Variants in KCNAB1 observed in about 807,000 individuals in gnomAD.
KCNAB1 encodes potassium voltage-gated channel subfamily A regulatory beta subunit 1, also known as voltage-gated potassium channel subunit beta-1.
Under a neutral mutation model 64.6 loss-of-function variants are expected in KCNAB1, and 35 were observed. That is an observed-to-expected ratio of 0.54 (90% CI 0.41 to 0.72). The LOEUF (loss-of-function observed/expected upper bound fraction) is 0.72, where lower values mean the gene tolerates loss of function less well. KCNAB1 is among the 30% of genes least tolerant of loss of function. The probability of loss-of-function intolerance (pLI) is 0.00; values close to 1 mark genes in which losing one functional copy is unlikely to be tolerated. For missense variants in KCNAB1, 401 were observed against 512.9 expected (o/e 0.78, Z 2.11); for synonymous variants, 177 against 183.8 (o/e 0.96, Z 0.30).
chr3:156,127,104 A>G (rs1273949663), intron 1 of KCNAB1, among the ~76,000 whole-genome samples: 1 of 151,868 alleles, frequency 6.6e-6, no homozygotes, highest in East Asian at 1.9e-4. Flanking sequence ...TTAGACACTC[A>G]ATCAATTTTG....
chr3:156,188,285 A>T (rs980904904), intron 1 of KCNAB1, among the ~76,000 whole-genome samples: 4 of 152,086 alleles, frequency 2.6e-5, no homozygotes, highest in African/African-American at 9.7e-5. Flanking sequence ...AAAAATAAAA[A>T]TGGCCTACAA....
chr3:156,266,740 A>G (rs1274437664), intron 1 of KCNAB1, among the ~76,000 whole-genome samples: 1 of 152,216 alleles, frequency 6.6e-6, no homozygotes, highest in African/African-American at 2.4e-5. Context: ...ATAGAGAATC[A>G]GTTACACAGT....
intron 1 of KCNAB1, among the ~76,000 whole-genome samples, chr3:156,249,580 G>T (rs1248349172): frequency 1.3e-5 from 2 of 148,952 alleles, no homozygotes; most frequent in African/African-American, 4.9e-5. Flanking sequence ...AGAAAAAAAA[G>T]AAAAAAAAAG....
At chr3:156,137,058 C>T (rs910076194) in intron 1 of KCNAB1, among the ~76,000 whole-genome samples, 1 of 151,726 alleles carries the variant, frequency 6.6e-6, no homozygotes, top group Non-Finnish European at 1.5e-5. Context: ...TTTGGGGGTA[C>T]ATGCAAAGAT....
chr3:156,476,358 C>T (rs1714341836), intron 8 of KCNAB1, among the ~76,000 whole-genome samples: 1 of 152,104 alleles, frequency 6.6e-6, no homozygotes, highest in Non-Finnish European at 1.5e-5. Context: ...TTTGTGTCCT[C>T]ATAGCTTAGT....
chr3:156,335,257 C>T (rs971917140), intron 1 of KCNAB1, among the ~76,000 whole-genome samples: 2 of 152,222 alleles, frequency 1.3e-5, no homozygotes, highest in African/African-American at 2.4e-5. Context: ...GCTTATTCCT[C>T]AAGAGCCTAC....
chr3:156,409,062 A>G (rs916210297), intron 1 of KCNAB1, among the ~76,000 whole-genome samples: 6 of 152,210 alleles, frequency 3.9e-5, no homozygotes, highest in South Asian at 2.1e-4. Context: ...AACCAGCCAC[A>G]GTGTAGGAAG....
chr3:156,391,775 A>G (rs1030325414), intron 1 of KCNAB1, among the ~76,000 whole-genome samples: 4 of 152,204 alleles, frequency 2.6e-5, no homozygotes, highest in Non-Finnish European at 5.9e-5. Flanking sequence ...AAGTAGAGCA[A>G]TCCCAACTGT....
At chr3:156,374,297 T>A (rs1376561811) in intron 1 of KCNAB1, among the ~76,000 whole-genome samples, 1 of 152,190 alleles carries the variant, frequency 6.6e-6, no homozygotes, top group Non-Finnish European at 1.5e-5. Context: ...TTTGATCCTG[T>A]GACTCTGTCC....
chr3:156,385,600 C>G (rs1024830717), intron 1 of KCNAB1, among the ~76,000 whole-genome samples: 28 of 151,898 alleles, frequency 1.8e-4, no homozygotes, highest in Admixed American at 5.2e-4. Context: ...GAAACAAAAG[C>G]AAAATAAATT....
intron 1 of KCNAB1, among the ~76,000 whole-genome samples, chr3:156,249,392 C>T (rs1485257600): frequency 6.6e-6 from 1 of 151,800 alleles, no homozygotes; most frequent in African/African-American, 2.4e-5. Flanking sequence ...GCCAACCTGG[C>T]GTAACCCTGT....
chr3:156,241,019 A>G (rs1318176265), intron 1 of KCNAB1, among the ~76,000 whole-genome samples: 2 of 152,158 alleles, frequency 1.3e-5, no homozygotes, highest in Non-Finnish European at 1.5e-5. Context: ...GGGTATTTGT[A>G]TACCAGTTTC....
At chr3:156,190,089 A>G (rs1271065045) in intron 1 of KCNAB1, among the ~76,000 whole-genome samples, 2 of 152,232 alleles carry the variant, frequency 1.3e-5, no homozygotes, top group East Asian at 3.8e-4. Context: ...TTGAGTCATT[A>G]ATCAAAAGCT....
intron 1 of KCNAB1, among the ~76,000 whole-genome samples, chr3:156,252,672 A>C (rs1233086338): frequency 6.6e-6 from 1 of 152,238 alleles, no homozygotes; most frequent in African/African-American, 2.4e-5. Flanking sequence ...AAATACCCAC[A>C]GTGATAAGGT....
chr3:156,347,766 A>T (rs1724579212), intron 1 of KCNAB1, among the ~76,000 whole-genome samples: 1 of 152,098 alleles, frequency 6.6e-6, no homozygotes, highest in Admixed American at 6.6e-5. Context: ...TACCCTTCAA[A>T]TTTTCTTAAA....
intron 1 of KCNAB1, among the ~76,000 whole-genome samples, chr3:156,145,751 A>G (rs529481742): frequency 1.3e-5 from 2 of 152,344 alleles, no homozygotes; most frequent in South Asian, 2.1e-4. Flanking sequence ...TGGGCCAGTC[A>G]TGACATAGAA....
chr3:156,312,792 A>C (rs75000954), intron 1 of KCNAB1, among the ~76,000 whole-genome samples: 10,725 of 151,584 alleles, frequency 0.071, 414 homozygotes, highest in Middle Eastern at 0.14. Context: ...TATAAAGAAA[A>C]AGATTACTGC....
intron 1 of KCNAB1, among the ~76,000 whole-genome samples, chr3:156,334,661 C>T (rs1723567684): frequency 3.3e-5 from 5 of 152,246 alleles, no homozygotes; most frequent in Admixed American, 3.3e-4. Context: ...GCATTTAATC[C>T]TTAATTTTCC....
chr3:156,445,552 A>G (rs1717352122), intron 2 of KCNAB1, among the ~76,000 whole-genome samples: 1 of 152,188 alleles, frequency 6.6e-6, no homozygotes, highest in African/African-American at 2.4e-5. Flanking sequence ...TGTTGAAGAT[A>G]GTGAGGAAAA....
Sources: gnomAD v4.1 joint callset for allele counts (sites outside exome capture counted in the v4.1 genomes callset) on GRCh38, gnomAD v4.1.1 for gene constraint, MANE v1.5 for transcripts, NCBI Gene and HGNC (gene_info 2026-07-23, HGNC 2026-07-21) for gene names.